Variants in SFMBT1 observed in about 807,000 individuals in gnomAD.
SFMBT1 encodes scm-like with four MBT domains protein 1.
A neutral mutation model predicts 108.7 loss-of-function variants in SFMBT1; 32 were observed. That is an observed-to-expected ratio of 0.29 (90% CI 0.22 to 0.40). The LOEUF is 0.40. SFMBT1 is among the 10% of genes least tolerant of loss of function. SFMBT1 has a pLI of 1.00. For missense variants in SFMBT1, 816 were observed against 1,059.6 expected (o/e 0.77, Z 3.19); for synonymous variants, 348 against 369.5 (o/e 0.94, Z 0.67).
chr3:52,976,656 A>C (rs1279398181), intron 1 of SFMBT1, among the ~76,000 whole-genome samples: 1 of 152,226 alleles, frequency 6.6e-6, no homozygotes, highest in African/African-American at 2.4e-5. Context: ...AAAAAGAACC[A>C]TAAACAAATT....
chr3:53,040,572 T>C (rs1239851679), intron 1 of SFMBT1, among the ~76,000 whole-genome samples: 4 of 150,366 alleles, frequency 2.7e-5, no homozygotes, highest in African/African-American at 7.4e-5. Context: ...AACCTTTCTC[T>C]AGACTAAGCA....
At chr3:52,984,719 CTAAA>C (rs1305195989) in intron 1 of SFMBT1, among the ~76,000 whole-genome samples, 1 of 80,150 alleles carries the variant, frequency 1.2e-5, no homozygotes, top group Non-Finnish European at 2.6e-5. Flanking sequence ...GAATACTATA[CTAAA>C]TACTGTGTGT....
chr3:52,931,531 A>C lies in SFMBT1; in HGVS notation c.701-496T>G, dbSNP rs570104846. Among the ~76,000 whole-genome samples, 7 of 152,184 alleles carry C rather than the reference A, an allele frequency of 4.6e-5. 1 individual carries two copies. The South Asian group carries it at 1.5e-3, about 32-fold the overall frequency. ...ATATGTGTGGTAAATTATAAAAGCA[A>C]TAAAAAGAAAAGAAAAGTAGGCACT... On this transcript the variant is annotated intron_variant, in intron 6 of 20. Transcript: ENST00000394752.
At chr3:52,979,846 A>G (rs533000524) in intron 1 of SFMBT1, among the ~76,000 whole-genome samples, 2 of 152,318 alleles carry the variant, frequency 1.3e-5, no homozygotes, top group Non-Finnish European at 2.9e-5. Context: ...GCCCTCACGA[A>G]TCTCATAATC....
At chr3:53,032,877 G>A (rs761666165) in intron 1 of SFMBT1, among the ~76,000 whole-genome samples, 6 of 152,224 alleles carry the variant, frequency 3.9e-5, no homozygotes, top group Non-Finnish European at 8.8e-5. Context: ...ACCTGAGGGA[G>A]TCCAGGAGGG....
chr3:52,911,489 A>G (rs1450353649), intron 16 of SFMBT1, among the ~76,000 whole-genome samples: 4 of 152,232 alleles, frequency 2.6e-5, no homozygotes, highest in African/African-American at 9.6e-5. Flanking sequence ...GTGACTTTTC[A>G]CTAAGTCTTT....
chr3:52,939,216 T>G (rs567889597), intron 4 of SFMBT1, among the ~76,000 whole-genome samples: 3 of 152,356 alleles, frequency 2.0e-5, no homozygotes, highest in African/African-American at 7.2e-5. Context: ...TTGATTTTCC[T>G]ACATACATAG....
chr3:53,037,634 A>G (rs536447347), intron 1 of SFMBT1, among the ~76,000 whole-genome samples: 2 of 152,296 alleles, frequency 1.3e-5, no homozygotes, highest in African/African-American at 2.4e-5. Context: ...TCAAATTTCT[A>G]TCTTTAGCTA....
chr3:52,949,636 T>C (rs1332429535), intron 3 of SFMBT1, among the ~76,000 whole-genome samples: 3 of 138,890 alleles, frequency 2.2e-5, no homozygotes, highest in African/African-American at 5.4e-5. Flanking sequence ...TGGAGTGCAG[T>C]GGCATGATCT....
intron 10 of SFMBT1, among the ~76,000 whole-genome samples, chr3:52,925,370 A>T (rs1702630292): frequency 6.6e-6 from 1 of 152,262 alleles, no homozygotes; most frequent in African/African-American, 2.4e-5. Context: ...GTAATAAAAA[A>T]TAATTAAATG....
At chr3:53,015,148 G>T (rs1699083076) in intron 1 of SFMBT1, among the ~76,000 whole-genome samples, 1 of 151,710 alleles carries the variant, frequency 6.6e-6, no homozygotes, top group Admixed American at 6.6e-5. Context: ...GGCAGAGGTT[G>T]CAGTGAGCCA....
At chr3:52,959,297 A>G (rs1703884654) in intron 2 of SFMBT1, among the ~76,000 whole-genome samples, 1 of 152,178 alleles carries the variant, frequency 6.6e-6, no homozygotes, top group South Asian at 2.1e-4. Flanking sequence ...CAAAAAACAT[A>G]TTTCAAATCG....
At chr3:52,969,365 T>C (rs951418514) in intron 1 of SFMBT1, 107 bp from the exon 2 acceptor site, 3 of 1,153,062 alleles carry the variant, frequency 2.6e-6, no homozygotes, top group African/African-American at 3.1e-5. Flanking sequence ...GACAAAAACA[T>C]ACTGGCAGAA....
At position 52,907,599 on chromosome 3, in the gene SFMBT1, G is replaced by T. The variant is rs963068945; in HGVS notation, c.2041C>A (p.Arg681Ser). 3 of 1,613,962 alleles carry T rather than the reference G, an allele frequency of 1.9e-6. No homozygotes were observed. In the African/African-American group the frequency reaches 4.0e-5, roughly 22 times the overall value. Residue 681 changes from arginine to serine, a missense_variant, in exon 18 of 21, where the codon CGC becomes AGC. Arg to Ser is a moderately radical substitution (Grantham distance 110). Around this residue, in one of 5 missense-constraint regions of SFMBT1, gnomAD observed 177 missense variants for 182.0 expected, o/e 0.97. Coordinates refer to ENST00000394752, the MANE Select transcript of SFMBT1 (RefSeq NM_016329.4). ...RKNVFVHKKK[R>S]SSASVDNTPA... ...GTATTATCAACAGATGCAGAGGAGC[G>T]TTTCTTCTTATGAACAAAAACATTT...
chr3:52,907,375 A>AT (rs1328169077), intron 18 of SFMBT1, 61 bp from the exon 19 acceptor site: 1 of 1,546,258 alleles, frequency 6.5e-7, no homozygotes, highest in African/African-American at 1.4e-5. Context: ...GTTTCATATG[A>AT]TTAAAAAAAA....
intron 9 of SFMBT1, 47 bp from the exon 10 acceptor site, chr3:52,926,160 C>G: frequency 6.5e-7 from 1 of 1,547,566 alleles, no homozygotes; most frequent in Non-Finnish European, 8.8e-7. Context: ...ACACCACATA[C>G]GCCTGCCTGG....
chr3:52,915,165 A>C (rs1459979128), intron 14 of SFMBT1, among the ~76,000 whole-genome samples: 1 of 152,192 alleles, frequency 6.6e-6, no homozygotes, highest in Non-Finnish European at 1.5e-5. Flanking sequence ...ACTCCTTCTA[A>C]GGAGCTGTTC....
intron 1 of SFMBT1, among the ~76,000 whole-genome samples, chr3:52,992,724 C>T (rs1321368499): frequency 6.6e-6 from 1 of 152,226 alleles, no homozygotes; most frequent in Non-Finnish European, 1.5e-5. Context: ...GGTTAGCACA[C>T]TCCACAATGT....
chr3:53,039,411 T>C (rs1699963937), intron 1 of SFMBT1, among the ~76,000 whole-genome samples: 2 of 152,026 alleles, frequency 1.3e-5, no homozygotes, highest in African/African-American at 4.8e-5. Flanking sequence ...CCTAGAATAG[T>C]CAAAATCATA....
Sources: gnomAD v4.1 joint callset for allele counts (sites outside exome capture counted in the v4.1 genomes callset) on GRCh38, gnomAD v4.1.1 for gene constraint, gnomAD v4.1.1 regional missense constraint, MANE v1.5 for transcripts, NCBI Gene and HGNC (gene_info 2026-07-23, HGNC 2026-07-21) for gene names.